The following DPH6 variants were observed in gnomAD, a reference collection of about 807,000 sequenced individuals.
DPH6 encodes the protein diphthamine biosynthesis 6.
In DPH6, 33 loss-of-function variants were observed where a neutral mutation model predicts 38.2. The observed-to-expected ratio is 0.86, with a 90% CI of 0.65 to 1.15. The LOEUF (loss-of-function observed/expected upper bound fraction) is 1.15, where lower values mean the gene tolerates loss of function less well. Among genes scored for constraint, DPH6 ranks in the 50% most tolerant of loss-of-function variants. The pLI is 0.00. For synonymous variants in DPH6, 108 were observed against 103.0 expected, an observed-to-expected ratio of 1.05 and a Z score of -0.30; for missense variants, 325 against 320.0, an observed-to-expected ratio of 1.02 and a Z score of -0.12.
At chr15:35,180,189 A>G in the DPH6 span, among the ~76,000 whole-genome samples, 1 of 152,184 alleles carries the variant, frequency 6.6e-6, no homozygotes, top group African/African-American at 2.4e-5. Flanking sequence ...ATACATTACT[A>G]TACTCTGAAA....
intron 3 of DPH6, among the ~76,000 whole-genome samples, chr15:35,463,283 A>G (rs1040793661): frequency 9.2e-5 from 14 of 152,172 alleles, no homozygotes; most frequent in Non-Finnish European, 1.3e-4. Context: ...AGTATGTATC[A>G]TGAACCTTCA....
At chr15:35,152,317 G>A in the DPH6 span, among the ~76,000 whole-genome samples, 1 of 151,994 alleles carries the variant, frequency 6.6e-6, no homozygotes, top group South Asian at 2.1e-4. Context: ...TAGTAAGTTA[G>A]GAACCACTGC....
chr15:35,381,599 G>T (rs543195285), intron 7 of DPH6, among the ~76,000 whole-genome samples: 1 of 152,278 alleles, frequency 6.6e-6, no homozygotes, highest in Admixed American at 6.5e-5. Context: ...GTAAACGAAA[G>T]TGCAATGTCT....
chr15:35,282,698 G>T, intron 3 of DPH6: 1 of 391,862 alleles, frequency 2.6e-6, no homozygotes, highest in South Asian at 2.3e-5. Flanking sequence ...AATTTACATT[G>T]ATGTGCCATG....
rs1314636718 is a variant in DPH6 at position 35,401,493 on chromosome 15, T to A, written c.567+9342A>T. The A allele has an allele frequency of 4.3e-5, 33 of 770,100 alleles. No individual in the cohort carries two copies. The East Asian group carries it at 5.4e-4, about 13-fold the overall frequency. 47.7% of individuals were successfully genotyped at this position (770,100 alleles called of 1,614,324 possible). ...GTTATGGAAACCAGGGCAGTGGCTA[T>A]GGCAGGAGTGACAGCTATGACAGCT... On this transcript the variant is annotated intron_variant, in intron 6 of 8. Coordinates refer to ENST00000256538, the MANE Select transcript of DPH6 (RefSeq NM_080650.4).
chr15:35,542,545 A>T (rs2055269138), intron 1 of DPH6, 38 bp from the exon 2 acceptor site: 1 of 1,496,338 alleles, frequency 6.7e-7, no homozygotes, highest in Non-Finnish European at 9.2e-7. Flanking sequence ...ATATCATGCT[A>T]CTGACCATTA....
At chr15:35,220,718 A>C (rs1282123387) in intron 3 of DPH6, 5 of 152,132 alleles carry the variant, frequency 3.3e-5, no homozygotes, top group Non-Finnish European at 7.3e-5. Context: ...CTATCTCCCA[A>C]AACTGTTGCA....
intron 3 of DPH6, chr15:35,520,840 C>G (rs756410263): frequency 1.1e-4 from 109 of 984,776 alleles, no homozygotes; most frequent in Non-Finnish European, 1.3e-4. Context: ...ATACAGGTAC[C>G]ATAATAAAAC....
At chr15:35,470,362 T>A (rs2054182865) in intron 3 of DPH6, among the ~76,000 whole-genome samples, 1 of 151,594 alleles carries the variant, frequency 6.6e-6, no homozygotes, top group African/African-American at 2.4e-5. Context: ...GGTCGAGGAA[T>A]GAAAAAAATG....
intron 3 of DPH6, chr15:35,298,812 G>T: frequency 9.1e-7 from 1 of 1,102,582 alleles, no homozygotes. Flanking sequence ...CTTGTTCCTC[G>T]TACACTGGGG....
At chr15:35,298,396 C>T (rs2052029623) in intron 3 of DPH6, 3 of 723,912 alleles carry the variant, frequency 4.1e-6, no homozygotes, top group South Asian at 4.0e-5. Context: ...AATATCCGTA[C>T]TGCTTCATCA....
intron 5 of DPH6, among the ~76,000 whole-genome samples, chr15:35,445,515 A>G (rs1270616857): frequency 3.3e-5 from 5 of 151,936 alleles, no homozygotes; most frequent in Non-Finnish European, 7.4e-5. Context: ...ATTTGGAGAG[A>G]TGTGTGACAA....
At position 35,373,468 on chromosome 15, in the gene DPH6, T is replaced by C. The variant is rs564904482; in HGVS notation, c.750+53A>G. On this transcript the variant is annotated intron_variant, in intron 8 of 8. Coordinates refer to ENST00000256538, the MANE Select transcript of DPH6 (RefSeq NM_080650.4). Reference sequence around the variant, plus strand: ...TACAGAATTATATATGCAAAGCCAATGTATATATCTCAAATTTCTATTGAA... The same window carrying C: ...TACAGAATTATATATGCAAAGCCAACGTATATATCTCAAATTTCTATTGAA... 9 of 1,485,070 alleles carry C rather than the reference T, an allele frequency of 6.1e-6. No homozygotes were observed. The South Asian group carries it at 6.2e-5, about 10-fold the overall frequency. 92.0% of individuals were successfully genotyped at this position (1,485,070 alleles called of 1,614,324 possible). A position where few individuals can be genotyped will look rare whatever the true frequency, so the allele number is the denominator to read the frequency against.
At chr15:35,266,822 G>A (rs1242896144) in intron 3 of DPH6, among the ~76,000 whole-genome samples, 1 of 152,082 alleles carries the variant, frequency 6.6e-6, no homozygotes, top group Non-Finnish European at 1.5e-5. Flanking sequence ...ACTATGCTAG[G>A]AGCTTTACTT....
intron 3 of DPH6, among the ~76,000 whole-genome samples, chr15:35,259,523 GC>G (rs1481979802): frequency 6.6e-6 from 1 of 152,038 alleles, no homozygotes; most frequent in Non-Finnish European, 1.5e-5. Flanking sequence ...CACAGCATTA[GC>G]TCTAGAACAT....
the DPH6 span, among the ~76,000 whole-genome samples, chr15:35,209,953 G>A: frequency 6.6e-6 from 1 of 152,152 alleles, no homozygotes. Flanking sequence ...AGTTCTGCCA[G>A]GTATCCAGAG....
chr15:35,380,476 C>T (rs903470925), intron 7 of DPH6, among the ~76,000 whole-genome samples: 2 of 152,142 alleles, frequency 1.3e-5, no homozygotes, highest in Non-Finnish European at 2.9e-5. Flanking sequence ...TCCAGGTGCT[C>T]TGGGACCTCA....
intron 3 of DPH6, among the ~76,000 whole-genome samples, chr15:35,491,602 C>T (rs993936696): frequency 1.3e-5 from 2 of 149,522 alleles, no homozygotes; most frequent in African/African-American, 2.5e-5. Flanking sequence ...TTCTCTCTCT[C>T]GATATATATA....
intron 3 of DPH6, among the ~76,000 whole-genome samples, chr15:35,240,233 C>G (rs2051587934): frequency 1.4e-5 from 2 of 143,576 alleles, no homozygotes; most frequent in Admixed American, 7.5e-5. Flanking sequence ...TTCCATCCTA[C>G]AAGATCTAAA....
Sources: gnomAD v4.1 joint callset for allele counts (sites outside exome capture counted in the v4.1 genomes callset) on GRCh38, gnomAD v4.1.1 for gene constraint, MANE v1.5 for transcripts, NCBI Gene and HGNC (gene_info 2026-07-23, HGNC 2026-07-21) for gene names.